Variants in S100A2 observed in about 807,000 individuals in gnomAD.
The protein encoded by S100A2 is protein S100-A2.
In S100A2, 5 loss-of-function variants were observed where a neutral mutation model predicts 4.3. That is an observed-to-expected ratio of 1.16 (90% confidence interval 0.61 to 2.44). The LOEUF is 2.44. Among genes scored for constraint, S100A2 ranks in the 30% most tolerant of loss-of-function variants. The probability of loss-of-function intolerance (pLI) is 0.01; values close to 1 mark genes in which losing one functional copy is unlikely to be tolerated. For missense variants in S100A2, 103 were observed against 114.7 expected (o/e 0.90, Z 0.47); for synonymous variants, 44 against 46.0 (o/e 0.96, Z 0.17).
chr1:153,565,064 C>A (rs983538301), intron 1 of S100A2, among the ~76,000 whole-genome samples: 1 of 151,630 alleles, frequency 6.6e-6, no homozygotes, highest in African/African-American at 2.4e-5. Flanking sequence ...GTAATCCCAG[C>A]ACTTTGGGAG....
At chr1:153,561,622 A>G in intron 2 of S100A2, 31 bp from the exon 3 acceptor site, 1 of 1,613,712 alleles carries the variant, frequency 6.2e-7, no homozygotes. Flanking sequence ...ACTCATCACC[A>G]AGCCAGCCCC....
chr1:153,563,613 G>T, intron 2 of S100A2, 121 bp downstream of exon 2: 1 of 1,565,782 alleles, frequency 6.4e-7, no homozygotes, highest in South Asian at 1.2e-5. Context: ...AAGCTAAAGT[G>T]GGGAGGGGGC....
intron 2 of S100A2, among the ~76,000 whole-genome samples, chr1:153,562,909 G>A (rs368266659): frequency 3.6e-4 from 54 of 148,562 alleles, no homozygotes; most frequent in African/African-American, 1.3e-3. Context: ...CCAGGAGTTC[G>A]AGATTACAGT....
intron 2 of S100A2, 44 bp downstream of exon 2, chr1:153,563,690 C>A (rs1335091711): frequency 1.3e-6 from 2 of 1,598,996 alleles, no homozygotes; most frequent in African/African-American, 2.7e-5. Context: ...ACCTGCACCC[C>A]CACACTCACA....
At chr1:153,564,586 T>C (rs963358769) in intron 1 of S100A2, among the ~76,000 whole-genome samples, 16 of 152,064 alleles carry the variant, frequency 1.1e-4, no homozygotes, top group African/African-American at 3.9e-4. Flanking sequence ...ATTAAAGATA[T>C]GAAATGTTCA....
intron 1 of S100A2, 103 bp from the exon 2 acceptor site, chr1:153,563,990 AC>A: frequency 8.4e-7 from 1 of 1,192,170 alleles, no homozygotes; most frequent in Non-Finnish European, 1.1e-6. Flanking sequence ...ACCTCACAAA[AC>A]CCCTCTCTGA....
chr1:153,563,717 A>G lies in S100A2; in HGVS notation c.144+17T>C, dbSNP rs577890090. ...ACACTCACACCAGGACCTCCCCCAC[A>G]GGCCTGTGCCACTCACCCCCACAAA... On this transcript the variant is annotated intron_variant, in intron 2 of 2. Transcript: ENST00000368708. 4 of 1,608,002 alleles carry G rather than the reference A, an allele frequency of 2.5e-6. No individual in the cohort carries two copies. The highest frequency in any genetic ancestry group is 2.5e-6 in the Non-Finnish European group (3 of 1,176,742).
At position 153,561,586 on chromosome 1, in the gene S100A2, T is replaced by C; in HGVS notation, c.150A>G (p.Lys50=). The C allele has an allele frequency of 6.2e-7, 1 of 1,614,070 alleles. No individual in the cohort carries two copies. The highest frequency in any genetic ancestry group is 1.7e-4 in the Middle Eastern group (1 of 6,042). Reference sequence around the variant, plus strand: ...GCTTCTTCAGCCCCTCCTCATCCACTTTCTCCTGAAAGTGACAGGAAATAC... The same window carrying C: ...GCTTCTTCAGCCCCTCCTCATCCACCTTCTCCTGAAAGTGACAGGAAATAC... ...HKELPSFVGE[K]VDEEGLKKLM... Residue 50 remains lysine (K), a synonymous_variant, in exon 3 of 3, where the codon AAA becomes AAG. Coordinates refer to ENST00000368708, the MANE Select transcript of S100A2 (RefSeq NM_005978.4).
In S100A2 at chr1:153,561,608, A is replaced by AG; in HGVS notation, c.145-18_145-17insC. On this transcript the variant is annotated splice_polypyrimidine_tract_variant and intron_variant, in intron 2 of 2. Transcript: ENST00000368708. The stretch of plus-strand genomic sequence containing the variant: ...CACTTTCTCCTGAAAGTGACAGGAA[A>AG]TACACTCATCACCAAGCCAGCCCCA... 3.1e-6 allele frequency: 5 copies of AG among 1,614,004 alleles called. No individual in the cohort carries two copies. The highest frequency in any genetic ancestry group is 4.2e-6 in the Non-Finnish European group (5 of 1,180,014).
chr1:153,561,791 A>G (rs1351034081), intron 2 of S100A2, among the ~76,000 whole-genome samples, 200 bp from the exon 3 acceptor site: 3 of 152,192 alleles, frequency 2.0e-5, no homozygotes, highest in Admixed American at 2.0e-4. Flanking sequence ...ATTGGTGAGC[A>G]TCTCCAGTGT....
chr1:153,564,677 G>A (rs1191663775), intron 1 of S100A2, among the ~76,000 whole-genome samples: 1 of 151,960 alleles, frequency 6.6e-6, no homozygotes, highest in Non-Finnish European at 1.5e-5. Context: ...GGTTAGGCAG[G>A]TTTCAGGGTG....
chr1:153,562,969 CAAA>C (rs35473116), intron 2 of S100A2, among the ~76,000 whole-genome samples: 4 of 94,552 alleles, frequency 4.2e-5, no homozygotes, highest in African/African-American at 4.2e-5. Flanking sequence ...CCCCCCACCA[CAAA>C]AAAAAAAAAA....
intron 2 of S100A2, chr1:153,563,327 G>A (rs1280697975): frequency 1.3e-5 from 17 of 1,355,060 alleles, no homozygotes; most frequent in South Asian, 6.7e-5. Flanking sequence ...AGCCGAGATC[G>A]TGCCATTGCA....
intron 2 of S100A2, chr1:153,563,503 G>C: frequency 1.3e-6 from 2 of 1,550,692 alleles, no homozygotes; most frequent in Non-Finnish European, 1.7e-6. Flanking sequence ...AGATGGACTC[G>C]GAAGGCCCTC....
intron 1 of S100A2, chr1:153,564,359 T>G (rs1047977028): frequency 2.6e-5 from 4 of 152,714 alleles, no homozygotes; most frequent in African/African-American, 9.7e-5. Flanking sequence ...CTCCTTAGAC[T>G]CGGGACTCCT....
intron 1 of S100A2, among the ~76,000 whole-genome samples, 175 bp downstream of exon 1, chr1:153,565,331 A>C (rs946960685): frequency 4.0e-5 from 6 of 151,548 alleles, no homozygotes; most frequent in Admixed American, 6.6e-5. Context: ...AAAAAAAAAA[A>C]AAAACCCTTC....
chr1:153,563,496 T>G, intron 2 of S100A2: 1 of 1,550,638 alleles, frequency 6.4e-7, no homozygotes, highest in Non-Finnish European at 8.7e-7. Flanking sequence ...ATTAAACAGA[T>G]GGACTCGGAA....
At chr1:153,561,731 C>T (rs2857430) in intron 2 of S100A2, 140 bp from the exon 3 acceptor site, 1 of 1,186,296 alleles carries the variant, frequency 8.4e-7, no homozygotes, top group Non-Finnish European at 1.2e-6. Context: ...GGCAGGAGGC[C>T]CTGGGAGCTA....
chr1:153,561,334 T>A lies in S100A2; in HGVS notation c.*105A>T. The A allele has an allele frequency of 7.2e-7, 1 of 1,396,556 alleles. No homozygotes were observed. Among genetic ancestry groups the A allele is most frequent in the South Asian group, 1.3e-5 (1 of 74,078 alleles). The allele number at this position is 1,396,556 out of a possible 1,614,324, so 86.5% of individuals were successfully genotyped here. A position where few individuals can be genotyped will look rare whatever the true frequency, so the allele number is the denominator to read the frequency against. On this transcript the variant is annotated 3_prime_UTR_variant, in exon 3 of 3. Coordinates refer to ENST00000368708, the MANE Select transcript of S100A2 (RefSeq NM_005978.4). ...CGGGTTATGGAACATCACTGAGCAA[T>A]TAAAATATTATCAACAGACAAAAAA...
Sources: allele counts gnomAD v4.1 joint callset (sites outside exome capture counted in the v4.1 genomes callset), GRCh38; gene constraint gnomAD v4.1.1; transcripts MANE v1.5; gene names NCBI Gene and HGNC (gene_info 2026-07-23, HGNC 2026-07-21).